Variants in FSTL1 observed in about 807,000 individuals in gnomAD.
FSTL1 encodes the protein follistatin like 1.
FSTL1 carries 24 observed loss-of-function variants against 45.9 expected under a neutral mutation model. That is an observed-to-expected ratio of 0.52 (90% CI 0.38 to 0.74). The LOEUF (loss-of-function observed/expected upper bound fraction) is 0.74. Among genes scored for constraint, FSTL1 ranks in the 30% least tolerant of loss-of-function variants. The probability of loss-of-function intolerance (pLI) is 0.00; values close to 1 mark genes in which losing one functional copy is unlikely to be tolerated. For missense variants in FSTL1, 340 were observed against 381.8 expected (o/e 0.89, Z 0.91); for synonymous variants, 120 against 137.6 (o/e 0.87, Z 0.89).
chr3:120,403,681 C>T (rs1301227483), intron 7 of FSTL1, among the ~76,000 whole-genome samples: 1 of 152,008 alleles, frequency 6.6e-6, no homozygotes, highest in Admixed American at 6.6e-5. Flanking sequence ...TTGCTTTTCC[C>T]CATGGTATAT....
intron 5 of FSTL1, 76 bp from the exon 6 acceptor site, chr3:120,409,738 A>T: frequency 3.6e-6 from 5 of 1,398,900 alleles, no homozygotes; most frequent in Non-Finnish European, 5.0e-6. Flanking sequence ...ACTGTGTGGG[A>T]GCATCCGTGC....
At position 120,416,040 on chromosome 3, in the gene FSTL1, A is replaced by G. The variant is rs766353822; in HGVS notation, c.64-13T>C. 7.1e-6 allele frequency: 11 copies of G among 1,549,208 alleles called. No homozygotes were observed. Among genetic ancestry groups the G allele is most frequent in the East Asian group, 2.2e-5 (1 of 44,612 alleles). Reference sequence around the variant, plus strand: ...TCCTTAGCTCTTCCTAAAACATACAATCATAAAGGAAACCGTGTGACTGAG... The same window carrying G: ...TCCTTAGCTCTTCCTAAAACATACAGTCATAAAGGAAACCGTGTGACTGAG... On this transcript the variant is annotated splice_polypyrimidine_tract_variant and intron_variant, in intron 2 of 10. Coordinates refer to ENST00000295633, the MANE Select transcript of FSTL1 (RefSeq NM_007085.5).
At chr3:120,411,036 A>T in intron 4 of FSTL1, 52 bp from the exon 5 acceptor site, 1 of 1,343,530 alleles carries the variant, frequency 7.4e-7, no homozygotes. Context: ...AAAAAAGAAA[A>T]TTTTTCTGTA....
chr3:120,425,276 G>A (rs182677899), intron 2 of FSTL1, among the ~76,000 whole-genome samples: 64 of 151,088 alleles, frequency 4.2e-4, no homozygotes, highest in Admixed American at 9.9e-4. Flanking sequence ...GAATTGGGAG[G>A]AAAACCAGGA....
intron 6 of FSTL1, among the ~76,000 whole-genome samples, chr3:120,406,564 G>A (rs1936952630): frequency 6.6e-6 from 1 of 152,210 alleles, no homozygotes; most frequent in African/African-American, 2.4e-5. Context: ...TGCAGCTGGG[G>A]GAAGGTCCAG....
intron 2 of FSTL1, among the ~76,000 whole-genome samples, chr3:120,422,710 T>G (rs1937301973): frequency 6.6e-6 from 1 of 152,058 alleles, no homozygotes; most frequent in South Asian, 2.1e-4. Context: ...TTTTTTTTTT[T>G]TTGAGATGGA....
Position 120,412,838 on chromosome 3 carries a change from GCACACACACACA to G in FSTL1, c.169-867_169-856del, listed in dbSNP as rs71156798. Among the ~76,000 whole-genome samples, 78 of 106,186 alleles carry G rather than the reference GCACACACACACA, an allele frequency of 7.3e-4. 2 individuals are homozygous for G. In the South Asian group the frequency reaches 0.017, roughly 23 times the overall value. The allele number at this position is 106,186 out of a possible 152,430, so 69.7% of individuals were successfully genotyped here. A position where few individuals can be genotyped will look rare whatever the true frequency, so the allele number is the denominator to read the frequency against. On this transcript the variant is annotated intron_variant, in intron 3 of 10. Transcript: ENST00000295633. ...CACATGTGCGCGCGCGCGCGCGCGCGCACACACACACACACACACACACACACACACACACAC... is the reference window on the plus strand; with the variant it reads ...CACATGTGCGCGCGCGCGCGCGCGCGCACACACACACACACACACACACAC...
In FSTL1 at chr3:120,411,865, C is replaced by T; in HGVS notation, c.287G>A (p.Gly96Glu). The change falls in exon 4 of 11, where the codon GGA (glycine) becomes GAA (glutamate). Residue 96 changes from glycine to glutamate, a missense_variant. Physicochemically the swap from Gly to Glu is moderately conservative, Grantham distance 98. Coordinates refer to ENST00000295633, the MANE Select transcript of FSTL1 (RefSeq NM_007085.5). ...TGSKIQVDYD[G>E]HCKEKKSVSP... ...AGAGCACACCTTACCTTTGCAGTGTCCATCGTAATCAACCTGGATTTTGGA... is the reference window on the plus strand; with the variant it reads ...AGAGCACACCTTACCTTTGCAGTGTTCATCGTAATCAACCTGGATTTTGGA... The T allele has an allele frequency of 6.2e-7, 1 of 1,614,014 alleles. No individual in the cohort carries two copies. Among genetic ancestry groups the T allele is most frequent in the Non-Finnish European group, 8.5e-7 (1 of 1,179,860 alleles).
At chr3:120,449,598 C>T (rs2107675849) in intron 2 of FSTL1, among the ~76,000 whole-genome samples, 1 of 152,290 alleles carries the variant, frequency 6.6e-6, no homozygotes, top group East Asian at 1.9e-4. Context: ...GTTTCCACCT[C>T]AATCAACAAC....
rs141329424 is a variant in FSTL1 at position 120,420,030 on chromosome 3, A to G, written c.64-4003T>C. Among the ~76,000 whole-genome samples, 1,105 of 152,348 alleles carry G rather than the reference A, an allele frequency of 7.3e-3. 9 individuals are homozygous for G. Among genetic ancestry groups the G allele is most frequent in the African/African-American group, 0.025 (1,049 of 41,582 alleles). On this transcript the variant is annotated intron_variant, in intron 2 of 10. Transcript: ENST00000295633. ...AACTAGTGAGAGCTGACTCAGGAAT[A>G]GAACAAAGGCCAGTCTGACTCCAGA...
At chr3:120,398,746 A>G (rs1936757561) in intron 10 of FSTL1, among the ~76,000 whole-genome samples, 1 of 152,232 alleles carries the variant, frequency 6.6e-6, no homozygotes, top group Admixed American at 6.5e-5. Flanking sequence ...GGGGACTCAC[A>G]TCAAACACAG....
chr3:120,448,217 A>G (rs991773074), intron 2 of FSTL1, among the ~76,000 whole-genome samples: 6 of 152,262 alleles, frequency 3.9e-5, no homozygotes, highest in Non-Finnish European at 8.8e-5. Context: ...TCATTTCTAA[A>G]AAGTTCAACA....
At chr3:120,409,238 T>C (rs1453567443) in intron 6 of FSTL1, among the ~76,000 whole-genome samples, 1 of 152,028 alleles carries the variant, frequency 6.6e-6, no homozygotes, top group Admixed American at 6.6e-5. Flanking sequence ...TCATGGCGAG[T>C]AGGGGACAGA....
chr3:120,398,293 C>T (rs533019683), intron 10 of FSTL1, among the ~76,000 whole-genome samples: 1 of 152,126 alleles, frequency 6.6e-6, no homozygotes, highest in Non-Finnish European at 1.5e-5. Flanking sequence ...TGATATCTAG[C>T]AGACACTGGT....
intron 3 of FSTL1, among the ~76,000 whole-genome samples, chr3:120,413,822 C>T (rs190007851): frequency 0.087 from 6,196 of 70,898 alleles, 714 homozygotes; most frequent in Non-Finnish European, 0.16. Context: ...TCTCTTTCCA[C>T]GGTCTCCCTC....
intron 3 of FSTL1, among the ~76,000 whole-genome samples, chr3:120,412,834 GCGCGCACA>G (rs1162654057): frequency 0.013 from 1,044 of 77,470 alleles, 10 homozygotes; most frequent in African/African-American, 0.031. Flanking sequence ...GCGCGCGCGC[GCGCGCACA>G]CACACACACA....
At chr3:120,438,390 C>G (rs1009519529) in intron 2 of FSTL1, 1 of 152,184 alleles carries the variant, frequency 6.6e-6, no homozygotes, top group African/African-American at 2.4e-5. Flanking sequence ...GTAGAGTAAA[C>G]AGCATTTGGG....
chr3:120,435,251 A>T (rs1324066205), intron 2 of FSTL1, among the ~76,000 whole-genome samples: 1 of 152,136 alleles, frequency 6.6e-6, no homozygotes, highest in Non-Finnish European at 1.5e-5. Flanking sequence ...AAACAGTGAT[A>T]TATCTTTTCT....
Position 120,393,223 on chromosome 3 carries a change from G to T in FSTL1, c.*3729C>A, listed in dbSNP as rs1312118523. 1 of 152,150 alleles carries T rather than the reference G, an allele frequency of 6.6e-6. No individual in the cohort carries two copies. The highest frequency in any genetic ancestry group is 2.1e-4 in the South Asian group (1 of 4,818). The allele number at this position is 152,150 out of a possible 1,614,324, so 9.4% of individuals were successfully genotyped here. ...CTTTTAATATTTGATTAGCATTTGG[G>T]TAATATCCCAAATCCAATCAAAGTG... On this transcript the variant is annotated 3_prime_UTR_variant, in exon 11 of 11. Coordinates refer to ENST00000295633, the MANE Select transcript of FSTL1 (RefSeq NM_007085.5).
Sources: gnomAD v4.1 joint callset for allele counts (sites outside exome capture counted in the v4.1 genomes callset) on GRCh38, gnomAD v4.1.1 for gene constraint, MANE v1.5 for transcripts, NCBI Gene and HGNC (gene_info 2026-07-23, HGNC 2026-07-21) for gene names.